SYNJ1: variants seen among roughly 807,000 people sequenced by gnomAD.
SYNJ1 encodes synaptojanin 1, also known as polyphosphatidylinositol phosphatase SYNJ1.
Under a neutral mutation model 168.2 loss-of-function variants are expected in SYNJ1, and 78 were observed. The observed-to-expected ratio is 0.46, with a 90% confidence interval of 0.39 to 0.56. The LOEUF (loss-of-function observed/expected upper bound fraction) is 0.56. Ranked by LOEUF, SYNJ1 falls within the 20% of genes least tolerant of loss-of-function variation. SYNJ1 has a pLI of 0.00. For missense variants in SYNJ1, 1,303 were observed against 1,597.6 expected (o/e 0.82, Z 3.14); for synonymous variants, 539 against 548.6 (o/e 0.98, Z 0.24).
upstream of SYNJ1, chr21:32,728,138 T>C (rs2146449138): frequency 5.1e-6 from 7 of 1,376,750 alleles, no homozygotes; most frequent in South Asian, 1.5e-5. Context: ...CGGCTGGGCC[T>C]GGCACCCGCG....
chr21:32,671,321 A>G (rs2041179546), intron 14 of SYNJ1, among the ~76,000 whole-genome samples: 1 of 152,152 alleles, frequency 6.6e-6, no homozygotes, highest in Non-Finnish European at 1.5e-5. Context: ...AGAAAAAAAA[A>G]AGAAGAGCCT....
At chr21:32,682,241 G>C (rs1173484632) in intron 10 of SYNJ1, among the ~76,000 whole-genome samples, 1 of 152,066 alleles carries the variant, frequency 6.6e-6, no homozygotes, top group African/African-American at 2.4e-5. Context: ...GCTTCCACAA[G>C]TCCTTATCAC....
Position 32,701,973 on chromosome 21 carries a change from G to T in SYNJ1, c.199C>A (p.Arg67=). The T allele has an allele frequency of 1.9e-6, 3 of 1,544,128 alleles. No homozygotes were observed. The highest frequency in any genetic ancestry group is 2.6e-6 in the Non-Finnish European group (3 of 1,136,204). Reference sequence around the variant, plus strand: ...ATGATAAACTTACCAAGATTTAACCGCAGAACACCTAAGAGTCCATATGCA... The same window carrying T: ...ATGATAAACTTACCAAGATTTAACCTCAGAACACCTAAGAGTCCATATGCA... ...LDAYGLLGVL[R]LNLGDTMLHY... Residue 67 remains arginine, a synonymous_variant, in exon 3 of 33, where the codon CGG becomes AGG. Coordinates refer to ENST00000674351, the MANE Select transcript of SYNJ1 (RefSeq NM_203446.3).
chr21:32,665,173 C>A, intron 17 of SYNJ1, 102 bp from the exon 18 acceptor site: 1 of 1,235,334 alleles, frequency 8.1e-7, no homozygotes, highest in East Asian at 2.6e-5. Context: ...CTCCCATGTC[C>A]TGTTTCTTTG....
At chr21:32,727,753 T>TGAC in intron 1 of SYNJ1, 193 bp downstream of exon 1, 2 of 1,256,148 alleles carry the variant, frequency 1.6e-6, no homozygotes, top group Non-Finnish European at 2.1e-6. Context: ...GCCCCCAGCC[T>TGAC]GACGCGGCAC....
intron 6 of SYNJ1, among the ~76,000 whole-genome samples, chr21:32,690,694 C>T (rs1402210482): frequency 1.3e-5 from 2 of 151,340 alleles, no homozygotes; most frequent in East Asian, 3.9e-4. Context: ...AGTTCGAGAC[C>T]AGCGGATCAC....
chr21:32,660,084 C>G (rs2040627465), intron 18 of SYNJ1, among the ~76,000 whole-genome samples: 1 of 152,230 alleles, frequency 6.6e-6, no homozygotes, highest in South Asian at 2.1e-4. Flanking sequence ...TGACAAACCC[C>G]TTTACACTCT....
intron 9 of SYNJ1, 68 bp from the exon 10 acceptor site, chr21:32,684,187 G>A (rs2041735931): frequency 6.8e-7 from 1 of 1,460,076 alleles, no homozygotes; most frequent in Non-Finnish European, 9.6e-7. Context: ...GTGAATAATT[G>A]AGGTAATTAA....
At chr21:32,723,652 A>G (rs2043333382) in intron 2 of SYNJ1, among the ~76,000 whole-genome samples, 1 of 152,066 alleles carries the variant, frequency 6.6e-6, no homozygotes, top group African/African-American at 2.4e-5. Flanking sequence ...CCCCCTATCT[A>G]CAAAAAAATA....
At position 32,657,847 on chromosome 21, in the gene SYNJ1, T is replaced by G. The variant is rs1184052182; in HGVS notation, c.2330A>C (p.Lys777Thr). The G allele has an allele frequency of 8.1e-6, 13 of 1,609,628 alleles. No homozygotes were observed. The highest frequency in any genetic ancestry group is 8.5e-6 in the Non-Finnish European group (10 of 1,178,932). Residue 777 changes from lysine to threonine, a missense_variant, in exon 19 of 33, where the codon AAG (lysine) becomes ACG (threonine). By Grantham distance (78) the Lys-to-Thr change is moderately conservative (BLOSUM62 -1). Transcript: ENST00000674351. ...GQVFRGFLEG[K>T]VTFAPTYKYD... ...CTTATATGTCGGAGCAAAGGTTACC[T>G]TTCCTTCTAAAAATCCTCTAAAAAC... is the stretch of plus-strand genomic sequence containing the variant.
In SYNJ1 at chr21:32,706,696, T is replaced by C. The variant is rs1035791411; in HGVS notation, c.125-4649A>G. ...ATAAGGTAAACTCTTCTAAATACCT[T>C]GTTATTCCCTCCCTGTACATTTTTT... On this transcript the variant is annotated intron_variant, in intron 2 of 32. Transcript: ENST00000674351. 2.6e-5 allele frequency among the ~76,000 whole-genome samples: 4 copies of C among 152,296 alleles called. No individual in the cohort carries two copies. In the South Asian group the frequency reaches 8.3e-4, roughly 32 times the overall value.
At chr21:32,660,244 T>A (rs529889513) in intron 18 of SYNJ1, among the ~76,000 whole-genome samples, 4 of 152,236 alleles carry the variant, frequency 2.6e-5, no homozygotes, top group Non-Finnish European at 5.9e-5. Context: ...AATGGCCCTG[T>A]TAGCACAAGA....
At chr21:32,645,132 C>G (rs1299248363) in intron 25 of SYNJ1, 126 bp from the exon 26 acceptor site, 1 of 834,734 alleles carries the variant, frequency 1.2e-6, no homozygotes, top group African/African-American at 1.8e-5. Flanking sequence ...TATCTACGTA[C>G]TACAAAAACT....
chr21:32,706,258 A>C (rs1160754875), intron 2 of SYNJ1, among the ~76,000 whole-genome samples: 1 of 152,160 alleles, frequency 6.6e-6, no homozygotes, highest in African/African-American at 2.4e-5. Flanking sequence ...ATGACAACAA[A>C]ATAAAATGTA....
At chr21:32,670,984 A>G (rs1398819754) in intron 14 of SYNJ1, 2 of 189,452 alleles carry the variant, frequency 1.1e-5, no homozygotes, top group Non-Finnish European at 2.0e-5. Context: ...GGGTGCCCCA[A>G]GTTTCTAGAA....
chr21:32,635,692 A>G (rs1386109366), intron 31 of SYNJ1, among the ~76,000 whole-genome samples: 1 of 152,114 alleles, frequency 6.6e-6, no homozygotes, highest in African/African-American at 2.4e-5. Context: ...ATTTTGCAAA[A>G]AGACTACCCT....
rs373455013 is a variant in SYNJ1 at position 32,666,419 on chromosome 21, T to C, written c.1952+14A>G. ...GGTAGGAAGTAGCCTTAGAGGAGTG[T>C]TCTGTTTACTGACCTGATAAAAGGA... On this transcript the variant is annotated intron_variant, in intron 16 of 32. Coordinates refer to ENST00000674351, the MANE Select transcript of SYNJ1 (RefSeq NM_203446.3). 14 of 1,610,230 alleles carry C rather than the reference T, an allele frequency of 8.7e-6. No homozygotes were observed. Among genetic ancestry groups the C allele is most frequent in the Non-Finnish European group, 8.5e-7 (1 of 1,178,932 alleles).
chr21:32,674,625 T>G (rs935222667), intron 13 of SYNJ1, among the ~76,000 whole-genome samples: 2 of 272 alleles, frequency 7.4e-3, no homozygotes, highest in Non-Finnish European at 0.071. Flanking sequence ...TCTCTCCCGT[T>G]TTTTTTTTTT....
intron 2 of SYNJ1, among the ~76,000 whole-genome samples, chr21:32,704,264 G>A (rs767104336): frequency 6.6e-6 from 1 of 151,806 alleles, no homozygotes; most frequent in Non-Finnish European, 1.5e-5. Flanking sequence ...TATTCTATTC[G>A]GACACTCAGG....
Sources: gnomAD v4.1 joint callset for allele counts (sites outside exome capture counted in the v4.1 genomes callset) on GRCh38, gnomAD v4.1.1 for gene constraint, MANE v1.5 for transcripts, NCBI Gene and HGNC (gene_info 2026-07-23, HGNC 2026-07-21) for gene names.